Variants in GRM4 observed in about 807,000 individuals in gnomAD.
GRM4 encodes glutamate metabotropic receptor 4.
A neutral mutation model predicts 81.7 loss-of-function variants in GRM4; 28 were observed. That is an observed-to-expected ratio of 0.34 (90% CI 0.25 to 0.47). GRM4 has a LOEUF of 0.47. Among genes scored for constraint, GRM4 ranks in the 20% least tolerant of loss-of-function variants. The pLI is 1.00. For synonymous variants in GRM4, 488 were observed against 528.8 expected (o/e 0.92, Z 1.06); for missense variants, 948 against 1,290.0 (o/e 0.73, Z 4.06).
In GRM4 at chr6:34,070,792, C is replaced by CCA. The variant is rs34256571; in HGVS notation, c.737-8766_737-8765dup. On this transcript the variant is annotated intron_variant, in intron 3 of 10. Coordinates refer to ENST00000538487, the MANE Select transcript of GRM4 (RefSeq NM_000841.4). The surrounding 1 kb of genome is among the most constrained non-coding windows in gnomAD (Gnocchi z 4.6). ...CACCACACCCCCGCCACACCCCCAG[C>CCA]CACACACACACACACACACACACAC... Among the ~76,000 whole-genome samples the CCA allele has an allele frequency of 5.0e-3, 679 of 135,432 alleles. 8 individuals are homozygous for CCA. Among genetic ancestry groups the CCA allele is most frequent in the African/African-American group, 8.6e-3 (306 of 35,580 alleles). The allele number at this position is 135,432 out of a possible 152,430, so 88.8% of individuals were successfully genotyped here. A position where few individuals can be genotyped will look rare whatever the true frequency, so the allele number is the denominator to read the frequency against.
chr6:34,154,704 G>C (rs968620081), intron 1 of GRM4, among the ~76,000 whole-genome samples: 4 of 152,212 alleles, frequency 2.6e-5, no homozygotes, highest in African/African-American at 7.2e-5. Context: ...AGACACGTGG[G>C]GGGGAGTCGG....
intron 6 of GRM4, among the ~76,000 whole-genome samples, chr6:34,043,291 G>A (rs1190496762): frequency 1.3e-5 from 2 of 152,156 alleles, no homozygotes; most frequent in Non-Finnish European, 2.9e-5. Flanking sequence ...CCTTGTCCAA[G>A]GCCTCTGATC....
In GRM4 at chr6:34,069,169, C is replaced by T. The variant is rs904234726; in HGVS notation, c.737-7141G>A. Among the ~76,000 whole-genome samples, 49 of 61,400 alleles carry T rather than the reference C, an allele frequency of 8.0e-4. No individual in the cohort carries two copies. Among genetic ancestry groups the T allele is most frequent in the Admixed American group, 2.2e-3 (11 of 5,096 alleles). 40.3% of individuals were successfully genotyped at this position (61,400 alleles called of 152,430 possible). A position where few individuals can be genotyped will look rare whatever the true frequency, so the allele number is the denominator to read the frequency against. On this transcript the variant is annotated intron_variant, in intron 3 of 10. Coordinates refer to ENST00000538487, the MANE Select transcript of GRM4 (RefSeq NM_000841.4). The surrounding 1 kb of genome is among the most constrained non-coding windows in gnomAD (Gnocchi z 6.4). ...ACCCCTGGACCCTCATGGGCGTATA[C>T]ACACACACACACACACACACACACA... is the stretch of plus-strand genomic sequence containing the variant.
chr6:34,153,505 C>A (rs1179948978), intron 1 of GRM4, among the ~76,000 whole-genome samples: 1 of 152,234 alleles, frequency 6.6e-6, no homozygotes, highest in African/African-American at 2.4e-5. Context: ...AGCCTTTTGC[C>A]GAACACTGCA....
chr6:34,142,745 T>C (rs1452431028), intron 1 of GRM4, among the ~76,000 whole-genome samples: 1 of 152,184 alleles, frequency 6.6e-6, no homozygotes, highest in Non-Finnish European at 1.5e-5. Flanking sequence ...CCTGCCGCTG[T>C]GCAAGGCGCT....
In GRM4 at chr6:34,074,311, C is replaced by T. The variant is rs1324345838; in HGVS notation, c.737-12283G>A. ...TGAAATGGGATGGTATGAACCCTGT[C>T]CCCGAGACATAGCAGGGTTGCGGTG... is the stretch of plus-strand genomic sequence containing the variant. On this transcript the variant is annotated intron_variant, in intron 3 of 10. Coordinates refer to ENST00000538487, the MANE Select transcript of GRM4 (RefSeq NM_000841.4). The surrounding 1 kb of genome is among the most constrained non-coding windows in gnomAD (Gnocchi z 4.9). Among the ~76,000 whole-genome samples, 1 of 152,260 alleles carries T rather than the reference C, an allele frequency of 6.6e-6. No individual in the cohort carries two copies. The highest frequency in any genetic ancestry group is 1.5e-5 in the Non-Finnish European group (1 of 68,048).
At chr6:34,077,265 GC>G (rs2127475545) in intron 3 of GRM4, among the ~76,000 whole-genome samples, 1 of 152,214 alleles carries the variant, frequency 6.6e-6, no homozygotes, top group African/African-American at 2.4e-5. Context: ...GCCAGGATTT[GC>G]CCGAGGCTGA....
intron 3 of GRM4, among the ~76,000 whole-genome samples, chr6:34,086,895 G>T (rs1401740134): frequency 6.6e-6 from 1 of 152,208 alleles, no homozygotes; most frequent in Non-Finnish European, 1.5e-5. Flanking sequence ...ACCAAAGTGG[G>T]AGCATCACTT....
rs1266456298 is a variant in GRM4 at position 34,133,579 on chromosome 6, G to A, written c.-83C>T. 6.7e-7 allele frequency: 1 copy of A among 1,488,260 alleles called. No homozygotes were observed. The highest frequency in any genetic ancestry group is 8.9e-7 in the Non-Finnish European group (1 of 1,127,074). The allele number at this position is 1,488,260 out of a possible 1,614,324, so 92.2% of individuals were successfully genotyped here. A position where few individuals can be genotyped will look rare whatever the true frequency, so the allele number is the denominator to read the frequency against. ...CTGGCCCCACGGCCTGGGTGGGCAT[G>A]GGCAGGGCAGCTTCAGCAGCAGGGG... On this transcript the variant is annotated 5_prime_UTR_variant, in exon 2 of 11. Coordinates refer to ENST00000538487, the MANE Select transcript of GRM4 (RefSeq NM_000841.4). This position sits in a 1 kb window ranked among gnomAD's most constrained non-coding sequence, Gnocchi z 6.5.
chr6:34,145,144 C>T (rs1346942613), intron 1 of GRM4, among the ~76,000 whole-genome samples: 1 of 151,964 alleles, frequency 6.6e-6, no homozygotes, highest in Non-Finnish European at 1.5e-5. Flanking sequence ...CGGCCTGCCC[C>T]GGGGGCGCAG....
rs143737236 is a variant in GRM4 at position 34,111,388 on chromosome 6, GCA to G, written c.520-19291_520-19290del. On this transcript the variant is annotated intron_variant, in intron 2 of 10. Coordinates refer to ENST00000538487, the MANE Select transcript of GRM4 (RefSeq NM_000841.4). The surrounding 1 kb of genome is among the most constrained non-coding windows in gnomAD (Gnocchi z 5.1). ...CTTGGTGGTAAGTACAACCAACCGT[GCA>G]CACACACACACACACACACACAAAC... Among the ~76,000 whole-genome samples, 6,308 of 133,290 alleles carry G rather than the reference GCA, an allele frequency of 0.047. 162 individuals are homozygous for G. The highest frequency in any genetic ancestry group is 0.13 in the East Asian group (583 of 4,592). 87.4% of individuals were successfully genotyped at this position (133,290 alleles called of 152,430 possible).
At chr6:34,120,194 T>A (rs918832660) in intron 2 of GRM4, among the ~76,000 whole-genome samples, 1 of 152,132 alleles carries the variant, frequency 6.6e-6, no homozygotes, top group African/African-American at 2.4e-5. Context: ...TAAAGGCTCA[T>A]TCAGGAGAGA....
intron 2 of GRM4, among the ~76,000 whole-genome samples, chr6:34,095,193 C>G (rs1289305336): frequency 6.6e-6 from 1 of 152,194 alleles, no homozygotes; most frequent in Non-Finnish European, 1.5e-5. Context: ...CCAATAATTC[C>G]TGAGACACTA....
chr6:34,030,167 G>A (rs540736974), intron 9 of GRM4, among the ~76,000 whole-genome samples: 1 of 152,360 alleles, frequency 6.6e-6, no homozygotes, highest in South Asian at 2.1e-4. Context: ...ACAGACGCTT[G>A]GGGAATATCG....
Position 34,133,207 on chromosome 6 carries a change from G to A in GRM4, c.290C>T (p.Pro97Leu). 6.2e-7 allele frequency: 1 copy of A among 1,614,066 alleles called. No homozygotes were observed. Among genetic ancestry groups the A allele is most frequent in the Non-Finnish European group, 8.5e-7 (1 of 1,179,910 alleles). ...AATGCGGGCGCCCAGCGTGATGTTA[G>A]GCAGCAGGTCCGGGTCGTTGTTGAT... ...DRINNDPDLL[P>L]NITLGARILD... Residue 97 changes from proline to leucine, a missense_variant, in exon 2 of 11, where the codon CCT becomes CTT. Physicochemically the swap from Pro to Leu is moderately conservative, Grantham distance 98 (BLOSUM62 -3). Coordinates refer to ENST00000538487, the MANE Select transcript of GRM4 (RefSeq NM_000841.4). This position sits in a 1 kb window ranked among gnomAD's most constrained non-coding sequence, Gnocchi z 6.5.
rs747475258 is a variant in GRM4, at chr6:34,092,108, C to T, written c.520-9G>A. 5.7e-6 allele frequency: 9 copies of T among 1,581,700 alleles called. 1 individual carries two copies. Among genetic ancestry groups the T allele is most frequent in the Middle Eastern group, 1.7e-4 (1 of 5,980 alleles). ...TAGCTGATCTGGGGTATCTGAGGGGCGAGAGGGGCTGCTGAGGGTGGCGAC... is the reference window on the plus strand; with the variant it reads ...TAGCTGATCTGGGGTATCTGAGGGGTGAGAGGGGCTGCTGAGGGTGGCGAC... On this transcript the variant is annotated splice_polypyrimidine_tract_variant and intron_variant, in intron 2 of 10. Transcript: ENST00000538487. This position sits in a 1 kb window ranked among gnomAD's most constrained non-coding sequence, Gnocchi z 6.8.
intron 3 of GRM4, among the ~76,000 whole-genome samples, chr6:34,072,156 A>C (rs1232558217): frequency 6.8e-6 from 1 of 146,676 alleles, no homozygotes; most frequent in East Asian, 2.1e-4. Context: ...TACACACCAC[A>C]CACACCCATA....
chr6:34,072,660 TAGATACA>T (rs1767002116), intron 3 of GRM4, among the ~76,000 whole-genome samples: 1 of 105,368 alleles, frequency 9.5e-6, no homozygotes, highest in African/African-American at 3.9e-5. Flanking sequence ...CATCACCACA[TAGATACA>T]CACCACACAC....
chr6:34,133,526 CAGG>C lies in GRM4; in HGVS notation c.-33_-31del, dbSNP rs1770334836. On this transcript the variant is annotated 5_prime_UTR_variant, in exon 2 of 11. Transcript: ENST00000538487. This position sits in a 1 kb window ranked among gnomAD's most constrained non-coding sequence, Gnocchi z 6.5. ...GAAATCCCTAGAGACCCATGAACGG[CAGG>C]CCCACTCCTAGCCCTGGCAGGCCCC... The C allele has an allele frequency of 6.6e-7, 1 of 1,521,842 alleles. No homozygotes were observed. The highest frequency in any genetic ancestry group is 8.8e-7 in the Non-Finnish European group (1 of 1,138,316). The allele number at this position is 1,521,842 out of a possible 1,614,324, so 94.3% of individuals were successfully genotyped here.
Sources: gnomAD v4.1 joint callset for allele counts (sites outside exome capture counted in the v4.1 genomes callset) on GRCh38, gnomAD v4.1.1 for gene constraint, Gnocchi (gnomAD v3.1) non-coding constraint, MANE v1.5 for transcripts, NCBI Gene and HGNC (gene_info 2026-07-23, HGNC 2026-07-21) for gene names.